Variants in RASGRP3 observed in about 807,000 individuals in gnomAD.
RASGRP3 encodes the protein RAS guanyl releasing protein 3.
In RASGRP3, 54 loss-of-function variants were observed where a neutral mutation model predicts 82.7. That is an observed-to-expected ratio of 0.65 (90% CI 0.52 to 0.82). RASGRP3 has a LOEUF of 0.82. RASGRP3 is among the 40% of genes least tolerant of loss of function. The pLI is 0.00. For missense variants in RASGRP3, 861 were observed against 828.9 expected, an observed-to-expected ratio of 1.04 and a Z score of -0.48; for synonymous variants, 309 against 300.5, an observed-to-expected ratio of 1.03 and a Z score of -0.29.
rs867512851 is a variant in RASGRP3, at chr2:33,556,929, G to A, written c.1580-1282G>A. ...CACACACACACACACACACACACAC[G>A]CAATTTTATAAAGATGAAAATCTAT... is the stretch of plus-strand genomic sequence containing the variant. On this transcript the variant is annotated intron_variant, in intron 15 of 17. Coordinates refer to ENST00000403687, the MANE Select transcript of RASGRP3 (RefSeq NM_001139488.2). Among the ~76,000 whole-genome samples, 95 of 38,144 alleles carry A rather than the reference G, an allele frequency of 2.5e-3. 2 individuals are homozygous for A. Among genetic ancestry groups the A allele is most frequent in the African/African-American group, 7.5e-3 (57 of 7,628 alleles). The allele number at this position is 38,144 out of a possible 152,430, so 25.0% of individuals were successfully genotyped here. A position where few individuals can be genotyped will look rare whatever the true frequency, so the allele number is the denominator to read the frequency against.
chr2:33,437,922 A>G (rs1574204227), intron 1 of RASGRP3, among the ~76,000 whole-genome samples: 1 of 152,210 alleles, frequency 6.6e-6, no homozygotes, highest in Non-Finnish European at 1.5e-5. Context: ...TTTTCAGGAC[A>G]TTCCAGTGCT....
At chr2:33,474,062 G>A (rs1293196961), upstream of RASGRP3, among the ~76,000 whole-genome samples, 2 of 152,142 alleles carry the variant, frequency 1.3e-5, no homozygotes, top group Non-Finnish European at 2.9e-5. Flanking sequence ...AGATGGTCAT[G>A]CTCCCTTGAC....
chr2:33,439,847 G>A (rs943628170), intron 1 of RASGRP3, among the ~76,000 whole-genome samples: 12 of 152,156 alleles, frequency 7.9e-5, no homozygotes, highest in African/African-American at 2.9e-4. Flanking sequence ...TTCTGAAAAG[G>A]GAAATGGCGT....
intron 2 of RASGRP3, among the ~76,000 whole-genome samples, chr2:33,471,149 T>A (rs1667036518): frequency 6.6e-6 from 1 of 152,166 alleles, no homozygotes; most frequent in African/African-American, 2.4e-5. Flanking sequence ...AATTAAAAAA[T>A]TGATATTGAA....
intron 16 of RASGRP3, 80 bp from the exon 17 acceptor site, chr2:33,558,592 T>G (rs1454123227): frequency 3.9e-6 from 5 of 1,286,314 alleles, no homozygotes; most frequent in East Asian, 2.3e-5. Flanking sequence ...CATGCCAGAC[T>G]CGTGCTGTTT....
chr2:33,496,000 T>A (rs1669271893), intron 1 of RASGRP3, among the ~76,000 whole-genome samples: 1 of 152,198 alleles, frequency 6.6e-6, no homozygotes, highest in Admixed American at 6.5e-5. Context: ...AACTGGATTT[T>A]TAAAGTAAAG....
At chr2:33,537,330 C>CCCGCCA (rs66749495) in intron 11 of RASGRP3, among the ~76,000 whole-genome samples, 1 of 95,690 alleles carries the variant, frequency 1.0e-5, no homozygotes, top group Non-Finnish European at 2.0e-5. Context: ...ACCGCCCCCC[C>CCCGCCA]CACACACACA....
rs143356039 is a variant in RASGRP3, at chr2:33,534,224, A to G, written c.1084-99A>G. On this transcript the variant is annotated intron_variant, in intron 10 of 17. Transcript: ENST00000403687. ...GTTCTGCATTTACTCAAATTATTAGACAGTGAACTTAAAACATTCAACTTG... is the reference window on the plus strand; with the variant it reads ...GTTCTGCATTTACTCAAATTATTAGGCAGTGAACTTAAAACATTCAACTTG... 7.7e-4 allele frequency: 587 copies of G among 764,162 alleles called. 3 individuals are homozygous for G. The highest frequency in any genetic ancestry group is 7.5e-3 in the African/African-American group (432 of 57,618). 47.3% of individuals were successfully genotyped at this position (764,162 alleles called of 1,614,324 possible).
chr2:33,503,396 T>C (rs1432842505), intron 1 of RASGRP3, among the ~76,000 whole-genome samples: 9 of 152,172 alleles, frequency 5.9e-5, no homozygotes, highest in Non-Finnish European at 1.3e-4. Context: ...GTGAAATTAG[T>C]TGATGTCTTA....
At chr2:33,443,590 C>T (rs1665342002) in intron 1 of RASGRP3, among the ~76,000 whole-genome samples, 1 of 151,858 alleles carries the variant, frequency 6.6e-6, no homozygotes, top group African/African-American at 2.4e-5. Flanking sequence ...TTATGGAACA[C>T]CCTACAGCAC....
At chr2:33,490,336 T>G (rs1668741535) in intron 1 of RASGRP3, among the ~76,000 whole-genome samples, 1 of 152,232 alleles carries the variant, frequency 6.6e-6, no homozygotes, top group Admixed American at 6.5e-5. Flanking sequence ...GTTTTCTTTG[T>G]TTCTTTACCT....
chr2:33,521,341 C>G (rs1672016958), intron 6 of RASGRP3, among the ~76,000 whole-genome samples: 1 of 152,186 alleles, frequency 6.6e-6, no homozygotes, highest in Non-Finnish European at 1.5e-5. Context: ...CTAAATATGG[C>G]TATCCATCTT....
At chr2:33,537,972 C>G (rs561213795) in intron 11 of RASGRP3, among the ~76,000 whole-genome samples, 2 of 152,176 alleles carry the variant, frequency 1.3e-5, no homozygotes, top group Admixed American at 1.3e-4. Flanking sequence ...AGTGCTTAAG[C>G]GTATTGAGCA....
At chr2:33,463,457 T>TG (rs1479889328) in intron 2 of RASGRP3, among the ~76,000 whole-genome samples, 2 of 152,160 alleles carry the variant, frequency 1.3e-5, no homozygotes, top group Middle Eastern at 3.2e-3. Context: ...AAGGGGAAGA[T>TG]GATTGTTAAT....
At chr2:33,483,649 TG>T (rs1179611208) in intron 1 of RASGRP3, among the ~76,000 whole-genome samples, 2 of 152,034 alleles carry the variant, frequency 1.3e-5, no homozygotes, top group African/African-American at 4.8e-5. Context: ...CCACCATGCC[TG>T]GCTAATTTTT....
intron 1 of RASGRP3, among the ~76,000 whole-genome samples, chr2:33,500,452 G>A (rs896077919): frequency 2.3e-4 from 35 of 152,104 alleles, no homozygotes; most frequent in African/African-American, 8.0e-4. Context: ...CAGGAGAGGC[G>A]GTGGAGATGA....
At position 33,530,497 on chromosome 2, in the gene RASGRP3, C is replaced by CTTT. The variant is rs746592952; in HGVS notation, c.1083+3107_1083+3109dup. On this transcript the variant is annotated intron_variant, in intron 10 of 17. Coordinates refer to ENST00000403687, the MANE Select transcript of RASGRP3 (RefSeq NM_001139488.2). ...AGTGTAACATCACCCCTGCCCCTTCCTTTTTTTTTTTTTTTTTTTTTTTTA... is the reference window on the plus strand; with the variant it reads ...AGTGTAACATCACCCCTGCCCCTTCCTTTTTTTTTTTTTTTTTTTTTTTTTTTA... Among the ~76,000 whole-genome samples the CTTT allele has an allele frequency of 1.8e-3, 208 of 117,072 alleles. 2 individuals are homozygous for CTTT. The highest frequency in any genetic ancestry group is 6.7e-3 in the African/African-American group (192 of 28,834). 76.8% of individuals were successfully genotyped at this position (117,072 alleles called of 152,430 possible).
intron 17 of RASGRP3, among the ~76,000 whole-genome samples, chr2:33,561,278 G>A (rs1373949020): frequency 1.3e-5 from 2 of 152,054 alleles, no homozygotes; most frequent in South Asian, 2.1e-4. Context: ...TGCTGGCCAG[G>A]CTGGTCCCAA....
At chr2:33,494,231 G>A (rs1224723228) in intron 1 of RASGRP3, among the ~76,000 whole-genome samples, 1 of 152,152 alleles carries the variant, frequency 6.6e-6, no homozygotes, top group African/African-American at 2.4e-5. Context: ...TTCTCTGTTG[G>A]AGCTACGGTT....
Sources: allele counts gnomAD v4.1 joint callset (sites outside exome capture counted in the v4.1 genomes callset), GRCh38; gene constraint gnomAD v4.1.1; transcripts MANE v1.5; gene names NCBI Gene and HGNC (gene_info 2026-07-23, HGNC 2026-07-21).